Variants in ANXA11 observed in about 807,000 individuals in gnomAD.
ANXA11 encodes the protein 56 kDa autoantigen.
ANXA11 carries 57 observed loss-of-function variants against 64.7 expected under a neutral mutation model. That is an observed-to-expected ratio of 0.88 (90% CI 0.71 to 1.10). ANXA11 has a LOEUF of 1.10. Ranked by LOEUF, ANXA11 falls within the 50% of genes least tolerant of loss-of-function variation. The pLI, the probability that ANXA11 is intolerant of heterozygous loss-of-function variation, is 0.00. For missense variants in ANXA11, 675 were observed against 670.7 expected, an observed-to-expected ratio of 1.01 and a Z score of -0.07; for synonymous variants, 260 against 265.2, an observed-to-expected ratio of 0.98 and a Z score of 0.19.
chr10:80,157,759 G>A lies in ANXA11; in HGVS notation c.1340C>T (p.Ala447Val), dbSNP rs1845333603. 4 of 1,612,852 alleles carry A rather than the reference G, an allele frequency of 2.5e-6. No individual in the cohort carries two copies. The highest frequency in any genetic ancestry group is 3.4e-6 in the Non-Finnish European group (4 of 1,179,412). Residue 447 changes from alanine to valine, a missense_variant, in exon 15 of 16, where the codon GCA (alanine) becomes GTA (valine). Ala to Val is a moderately conservative substitution (Grantham distance 64). Transcript: ENST00000422982. The stretch of plus-strand genomic sequence containing the variant: ...AATCAGGGTCCGGTCCTTTGTTCCT[G>A]CCCCCTAAAGAGAGTCCACCCAAGA... ...AERLNKAMRG[A>V]GTKDRTLIRI...
intron 5 of ANXA11, among the ~76,000 whole-genome samples, chr10:80,167,799 A>G (rs1845806350): frequency 6.6e-6 from 1 of 152,150 alleles, no homozygotes; most frequent in Admixed American, 6.5e-5. Context: ...CTCTTGATCT[A>G]GCACTGGTTC....
intron 1 of ANXA11, among the ~76,000 whole-genome samples, chr10:80,193,712 C>T (rs962612395): frequency 4.2e-5 from 6 of 143,914 alleles, no homozygotes; most frequent in Admixed American, 1.4e-4. Context: ...GGCGTGGTGG[C>T]GCATGCCTAT....
intron 1 of ANXA11, among the ~76,000 whole-genome samples, chr10:80,187,534 T>C (rs2573355): frequency 0.064 from 9,588 of 150,806 alleles, 314 homozygotes; most frequent in Middle Eastern, 0.099. Context: ...TGCACGCGCA[T>C]GTGCGCGCGT....
intron 3 of ANXA11, chr10:80,171,567 T>C (rs1029856146): frequency 4.3e-6 from 4 of 931,036 alleles, no homozygotes; most frequent in Non-Finnish European, 5.1e-6. Context: ...AATGGGCTAA[T>C]GGTGAGTGTA....
intron 1 of ANXA11, among the ~76,000 whole-genome samples, chr10:80,187,955 C>G (rs892384476): frequency 3.3e-5 from 5 of 152,144 alleles, no homozygotes; most frequent in African/African-American, 9.7e-5. Context: ...ACAAGACAAC[C>G]CTTGCAGCAG....
chr10:80,190,246 A>C (rs1327305293), intron 1 of ANXA11, among the ~76,000 whole-genome samples: 2 of 152,212 alleles, frequency 1.3e-5, no homozygotes, highest in African/African-American at 2.4e-5. Context: ...CACACCTAAC[A>C]GTGGGTAAAA....
intron 1 of ANXA11, among the ~76,000 whole-genome samples, chr10:80,182,934 G>A (rs1846407346): frequency 6.6e-6 from 1 of 152,192 alleles, no homozygotes; most frequent in South Asian, 2.1e-4. Context: ...CCCAGTTAGA[G>A]TCAGAGAATT....
At chr10:80,163,105 C>T (rs903952158) in intron 11 of ANXA11, among the ~76,000 whole-genome samples, 18 of 152,152 alleles carry the variant, frequency 1.2e-4, no homozygotes, top group African/African-American at 3.1e-4. Context: ...CATGATCTAT[C>T]AACTATCGAA....
chr10:80,163,387 T>A lies in ANXA11; in HGVS notation c.1048A>T (p.Thr350Ser). ...TGGGCGAGTGACATGTCCACGTTTG[T>A]GCTTTCATCACGGTTTCCCTGAAAG... ...SLSQGNRDES[T>S]NVDMSLAQRD... The change falls in exon 11 of 16, where the codon ACA becomes TCA. Residue 350 changes from threonine (T) to serine (S), a missense_variant. Thr to Ser is a moderately conservative substitution (Grantham distance 58). Coordinates refer to ENST00000422982, the MANE Select transcript of ANXA11 (RefSeq NM_145868.2). The A allele has an allele frequency of 6.2e-7, 1 of 1,613,972 alleles. No individual in the cohort carries two copies. The highest frequency in any genetic ancestry group is 8.5e-7 in the Non-Finnish European group (1 of 1,180,052).
chr10:80,172,811 T>C lies in ANXA11; in HGVS notation c.51A>G (p.Ala17=). Residue 17 remains alanine, a synonymous_variant, in exon 3 of 16, where the codon GCA becomes GCG. Transcript: ENST00000422982. Reference sequence around the variant, plus strand: ...CCCCACCCCAGACCCTCTTACCTGGTGCAGCTGGTGGGTAGCCACCTGGGG... The same window carrying C: ...CCCCACCCCAGACCCTCTTACCTGGCGCAGCTGGTGGGTAGCCACCTGGGG... ...PPPPGGYPPA[A]PGGGPWGGAA... 1.2e-6 allele frequency: 2 copies of C among 1,613,994 alleles called. No homozygotes were observed. The highest frequency in any genetic ancestry group is 8.5e-7 in the Non-Finnish European group (1 of 1,179,922).
intron 1 of ANXA11, among the ~76,000 whole-genome samples, chr10:80,184,292 C>T (rs1251731148): frequency 6.6e-6 from 1 of 152,162 alleles, no homozygotes. Context: ...ATAAAGCCAT[C>T]ATGAGTTGAA....
In ANXA11 at chr10:80,169,281, T is replaced by C; in HGVS notation, c.249A>G (p.Pro83=). The C allele has an allele frequency of 6.2e-7, 1 of 1,611,692 alleles. No individual in the cohort carries two copies. Among genetic ancestry groups the C allele is most frequent in the Non-Finnish European group, 8.5e-7 (1 of 1,179,674 alleles). The change falls in exon 5 of 16, where the codon CCA becomes CCG. Residue 83 remains proline (P), a synonymous_variant. Transcript: ENST00000422982. ...GCCCAAAGCCGCCAGGGGGCACTGG[T>C]GGGTAGCCAGCCCCAGGGGCCCCAG... ...LYPGAPGAGY[P]PVPPGGFGQP...
Position 80,176,142 on chromosome 10 carries a change from C to T in ANXA11, c.-44G>A, listed in dbSNP as rs184279621. Reference sequence around the variant, plus strand: ...GCAACTCCACTTCTGTAAGTCTCTTCCCCAGACACACACCTGTGTGAAATG... The same window carrying T: ...GCAACTCCACTTCTGTAAGTCTCTTTCCCAGACACACACCTGTGTGAAATG... On this transcript the variant is annotated 5_prime_UTR_variant, in exon 2 of 16. Coordinates refer to ENST00000422982, the MANE Select transcript of ANXA11 (RefSeq NM_145868.2). 22 of 152,356 alleles carry T rather than the reference C, an allele frequency of 1.4e-4. No homozygotes were observed. Among genetic ancestry groups the T allele is most frequent in the Admixed American group, 7.8e-4 (12 of 15,310 alleles). The allele number at this position is 152,356 out of a possible 1,614,324, so 9.4% of individuals were successfully genotyped here. A position where few individuals can be genotyped will look rare whatever the true frequency, so the allele number is the denominator to read the frequency against.
At chr10:80,172,705 G>T in intron 3 of ANXA11, 102 bp downstream of exon 3, 1 of 1,185,822 alleles carries the variant, frequency 8.4e-7, no homozygotes, top group Non-Finnish European at 1.3e-6. Context: ...GCCGTGCTGT[G>T]AGGGGAGGAG....
intron 8 of ANXA11, among the ~76,000 whole-genome samples, chr10:80,165,602 G>A (rs986036546): frequency 3.9e-5 from 6 of 152,188 alleles, no homozygotes; most frequent in Non-Finnish European, 8.8e-5. Flanking sequence ...AAAAGCGGGC[G>A]CTCAGGAGAG....
chr10:80,170,183 G>A (rs562760766), intron 4 of ANXA11, among the ~76,000 whole-genome samples: 14 of 152,204 alleles, frequency 9.2e-5, no homozygotes, highest in African/African-American at 2.6e-4. Flanking sequence ...AGTGCAGCAC[G>A]GCTGAGATTT....
chr10:80,173,683 A>G (rs1281418266), intron 2 of ANXA11, among the ~76,000 whole-genome samples: 2 of 152,184 alleles, frequency 1.3e-5, no homozygotes, highest in Admixed American at 6.5e-5. Context: ...ACATTGTGCA[A>G]CCTGCCTGCT....
intron 1 of ANXA11, among the ~76,000 whole-genome samples, chr10:80,184,572 T>C (rs111461261): frequency 0.072 from 10,939 of 151,732 alleles, 589 homozygotes; most frequent in African/African-American, 0.14. Flanking sequence ...ATATAACTAA[T>C]ACGAGAGAGA....
chr10:80,169,950 G>C (rs1029670267), intron 4 of ANXA11, among the ~76,000 whole-genome samples: 1 of 152,062 alleles, frequency 6.6e-6, no homozygotes, highest in Non-Finnish European at 1.5e-5. Context: ...GCATTCCCTA[G>C]ACATCCATAC....
Sources: allele counts gnomAD v4.1 joint callset (sites outside exome capture counted in the v4.1 genomes callset), GRCh38; gene constraint gnomAD v4.1.1; transcripts MANE v1.5; gene names NCBI Gene and HGNC (gene_info 2026-07-23, HGNC 2026-07-21).